SLC9B1: variants seen among roughly 807,000 people sequenced by gnomAD.
SLC9B1 encodes solute carrier family 9 member B1.
Under a neutral mutation model 51.7 loss-of-function variants are expected in SLC9B1, and 32 were observed. The ratio of observed to expected loss-of-function variants is 0.62; its 90% CI spans 0.47 to 0.83. SLC9B1 has a LOEUF of 0.83. Ranked by LOEUF, SLC9B1 falls within the 40% of genes least tolerant of loss-of-function variation. The pLI, the probability that SLC9B1 is intolerant of heterozygous loss-of-function variation, is 0.00. For synonymous variants in SLC9B1, 145 were observed against 212.7 expected (o/e 0.68, Z 2.77); for missense variants, 406 against 613.2 (o/e 0.66, Z 3.57).
chr4:102,925,187 A>AAATGTG (rs1274438719), intron 7 of SLC9B1, among the ~76,000 whole-genome samples: 1 of 152,230 alleles, frequency 6.6e-6, no homozygotes, highest in Non-Finnish European at 1.5e-5. Context: ...TGGATTAAGA[A>AAATGTG]AATGTGGCAC....
At chr4:102,932,061 T>C in intron 7 of SLC9B1, 63 bp downstream of exon 7, 1 of 1,499,142 alleles carries the variant, frequency 6.7e-7, no homozygotes, top group Non-Finnish European at 9.3e-7. Context: ...CCAGAAACCC[T>C]GTTTAAAGAA....
chr4:102,916,418 G>A (rs1437623458), intron 7 of SLC9B1, among the ~76,000 whole-genome samples: 1 of 152,134 alleles, frequency 6.6e-6, no homozygotes, highest in African/African-American at 2.4e-5. Flanking sequence ...TAACAGTACA[G>A]CATCTAAATA....
At chr4:102,940,298 A>C (rs1411086891) in intron 6 of SLC9B1, among the ~76,000 whole-genome samples, 1 of 152,212 alleles carries the variant, frequency 6.6e-6, no homozygotes, top group Non-Finnish European at 1.5e-5. Context: ...ACAGCTAAGC[A>C]GGGAGGTGAA....
intron 3 of SLC9B1, among the ~76,000 whole-genome samples, chr4:102,960,125 T>C (rs1738025119): frequency 6.6e-6 from 1 of 151,918 alleles, no homozygotes; most frequent in African/African-American, 2.4e-5. Flanking sequence ...CCAGAAAACA[T>C]ATATGCACTG....
At chr4:102,940,886 A>G (rs949438004) in intron 6 of SLC9B1, among the ~76,000 whole-genome samples, 1 of 152,150 alleles carries the variant, frequency 6.6e-6, no homozygotes, top group Admixed American at 6.6e-5. Flanking sequence ...AGGAATCCCT[A>G]CTCGGAAATT....
At chr4:102,986,441 T>C (rs1739629115) in intron 3 of SLC9B1, among the ~76,000 whole-genome samples, 1 of 152,182 alleles carries the variant, frequency 6.6e-6, no homozygotes, top group Non-Finnish European at 1.5e-5. Flanking sequence ...ATGATATGGC[T>C]AGGTGTAGTC....
chr4:102,991,651 T>C lies in SLC9B1; in HGVS notation c.61A>G (p.Thr21Ala), dbSNP rs573736948. The change falls in exon 2 of 12, where the codon ACT becomes GCT. Residue 21 changes from threonine (T) to alanine (A), a missense_variant. Coordinates refer to ENST00000296422, the MANE Select transcript of SLC9B1 (RefSeq NM_139173.4). ...TACTTTTAAGTTTTTACCTGAGGAG[T>C]TGTAGATGTTTGGAAGTTTTCATCC... is the stretch of plus-strand genomic sequence containing the variant. ...LEDENFQTST[T>A]PQSLIDPNNT... 5 of 1,584,614 alleles carry C rather than the reference T, an allele frequency of 3.2e-6. No homozygotes were observed. The highest frequency in any genetic ancestry group is 4.3e-6 in the Non-Finnish European group (5 of 1,163,098).
chr4:102,994,419 T>A (rs936213216), intron 1 of SLC9B1, among the ~76,000 whole-genome samples: 1 of 152,202 alleles, frequency 6.6e-6, no homozygotes. Flanking sequence ...ATTGTCCATA[T>A]CACCATCAGC....
chr4:102,921,393 C>A (rs1157226641), intron 7 of SLC9B1, among the ~76,000 whole-genome samples: 2 of 152,140 alleles, frequency 1.3e-5, no homozygotes, highest in Non-Finnish European at 2.9e-5. Context: ...GCCTGCCTTA[C>A]AAGAGCTCCT....
chr4:103,005,795 C>T (rs1232962200), intron 1 of SLC9B1, among the ~76,000 whole-genome samples: 2 of 152,128 alleles, frequency 1.3e-5, no homozygotes, highest in Admixed American at 6.5e-5. Flanking sequence ...AAAAAGAACT[C>T]TCAAAACCAT....
intron 1 of SLC9B1, among the ~76,000 whole-genome samples, chr4:103,016,006 C>T (rs112468343): frequency 0.11 from 16,296 of 151,314 alleles, 977 homozygotes; most frequent in Admixed American, 0.15. Context: ...TGTTGGTGTG[C>T]GCCTGTAATC....
chr4:103,000,874 A>C (rs1371426829), intron 1 of SLC9B1, among the ~76,000 whole-genome samples: 3 of 152,190 alleles, frequency 2.0e-5, no homozygotes, highest in African/African-American at 4.8e-5. Flanking sequence ...TCACAGCTCC[A>C]CTAGGTAGTG....
intron 7 of SLC9B1, among the ~76,000 whole-genome samples, chr4:102,931,292 G>C (rs1560934746): frequency 1.3e-5 from 2 of 151,418 alleles, no homozygotes; most frequent in Admixed American, 1.3e-4. Flanking sequence ...GACAGAGAGA[G>C]AGGGGGAAGG....
chr4:102,920,715 A>G (rs935678611), intron 7 of SLC9B1, among the ~76,000 whole-genome samples: 6 of 152,248 alleles, frequency 3.9e-5, no homozygotes, highest in African/African-American at 1.4e-4. Context: ...GAAGACCTTA[A>G]GTGACCTGAT....
intron 3 of SLC9B1, among the ~76,000 whole-genome samples, chr4:102,976,296 G>C (rs972305710): frequency 3.9e-5 from 6 of 152,112 alleles, no homozygotes; most frequent in Admixed American, 3.9e-4. Context: ...TCTAGGTCTT[G>C]AATGTAGATA....
chr4:102,941,446 C>A (rs1050212731), intron 6 of SLC9B1: 31 of 455,130 alleles, frequency 6.8e-5, no homozygotes, highest in African/African-American at 5.4e-4. Context: ...CAGTGAGATA[C>A]AACCTCACAG....
At chr4:102,990,465 C>T (rs984634908) in intron 2 of SLC9B1, among the ~76,000 whole-genome samples, 10 of 152,010 alleles carry the variant, frequency 6.6e-5, no homozygotes, top group African/African-American at 2.4e-4. Flanking sequence ...ATACCTTAAT[C>T]TCCCAGGCCT....
chr4:102,929,964 C>T (rs1406363870), intron 7 of SLC9B1, among the ~76,000 whole-genome samples: 1 of 152,094 alleles, frequency 6.6e-6, no homozygotes, highest in Non-Finnish European at 1.5e-5. Context: ...AATTAAAAGC[C>T]AAATTACAAA....
chr4:102,912,270 A>AT (rs1268003382), intron 7 of SLC9B1: 1 of 152,242 alleles, frequency 6.6e-6, no homozygotes, highest in East Asian at 1.9e-4. Flanking sequence ...GAAACAAATG[A>AT]TTTTAACATG....
Sources: gnomAD v4.1 joint callset for allele counts (sites outside exome capture counted in the v4.1 genomes callset) on GRCh38, gnomAD v4.1.1 for gene constraint, MANE v1.5 for transcripts, NCBI Gene and HGNC (gene_info 2026-07-23, HGNC 2026-07-21) for gene names.